Variants in ACACA observed in about 807,000 individuals in gnomAD.
The protein encoded by ACACA is acetyl-CoA carboxylase 1.
Under a neutral mutation model 296.1 loss-of-function variants are expected in ACACA, and 103 were observed. That is an observed-to-expected ratio of 0.35 (90% CI 0.30 to 0.41). ACACA has a LOEUF of 0.41. ACACA is among the 10% of genes least tolerant of loss of function. ACACA has a pLI of 1.00. For synonymous variants in ACACA, 953 were observed against 1,038.6 expected (o/e 0.92, Z 1.58); for missense variants, 1,554 against 2,989.7 (o/e 0.52, Z 11.20).
intron 10 of ACACA, 63 bp from the exon 11 acceptor site, chr17:37,263,957 G>T: frequency 7.3e-7 from 1 of 1,362,324 alleles, no homozygotes; most frequent in Non-Finnish European, 1.0e-6. Flanking sequence ...TATCTATCTT[G>T]ATAAGCTACT....
At chr17:37,301,720 G>T (rs1355855710) in intron 3 of ACACA, among the ~76,000 whole-genome samples, 1 of 152,182 alleles carries the variant, frequency 6.6e-6, no homozygotes, top group Admixed American at 6.5e-5. Flanking sequence ...TTTATAGTAG[G>T]TTTTGAAATC....
intron 45 of ACACA, among the ~76,000 whole-genome samples, chr17:37,135,723 G>A (rs950983073): frequency 2.6e-5 from 4 of 152,082 alleles, no homozygotes; most frequent in Non-Finnish European, 5.9e-5. Context: ...AGTGGGTAAG[G>A]AACAGAGACT....
At chr17:37,344,652 A>T (rs1251598024) in intron 1 of ACACA, among the ~76,000 whole-genome samples, 2 of 152,206 alleles carry the variant, frequency 1.3e-5, no homozygotes, top group African/African-American at 4.8e-5. Flanking sequence ...GTAGACAACA[A>T]GACAATTTTC....
In ACACA at chr17:37,097,771, C is replaced by T. The variant is rs2073081786; in HGVS notation, c.6720+59G>A. ...CCTGCTTATGAGCCTGTGTGCAACA[C>T]ACACACACACTTGCCCACATGTGGG... On this transcript the variant is annotated intron_variant, in intron 53 of 55. Transcript: ENST00000616317. This position sits in a 1 kb window ranked among gnomAD's most constrained non-coding sequence, Gnocchi z 4.8. 6.3e-7 allele frequency: 1 copy of T among 1,596,236 alleles called. No individual in the cohort carries two copies. The highest frequency in any genetic ancestry group is 8.6e-7 in the Non-Finnish European group (1 of 1,165,132).
At chr17:37,260,843 A>C (rs1255141584) in intron 11 of ACACA, among the ~76,000 whole-genome samples, 2 of 152,154 alleles carry the variant, frequency 1.3e-5, no homozygotes, top group Non-Finnish European at 2.9e-5. Flanking sequence ...AGCTCACCTC[A>C]GACTAGGATG....
At chr17:37,275,816 G>A (rs2082263871) in intron 8 of ACACA, 135 bp downstream of exon 8, 1 of 793,580 alleles carries the variant, frequency 1.3e-6, no homozygotes, top group Non-Finnish European at 2.2e-6. Flanking sequence ...TAAGCTAGGA[G>A]CTACAAGGTA....
chr17:37,229,362 G>A (rs1481809370), intron 25 of ACACA, among the ~76,000 whole-genome samples: 3 of 151,870 alleles, frequency 2.0e-5, no homozygotes, highest in African/African-American at 7.2e-5. Flanking sequence ...GGAGTGCAGT[G>A]GCGCAATCTT....
chr17:37,225,212 G>A, intron 26 of ACACA, 107 bp from the exon 27 acceptor site: 1 of 729,762 alleles, frequency 1.4e-6, no homozygotes, highest in Admixed American at 2.0e-5. Context: ...TGTAAGTGCA[G>A]GCATCACAGA....
intron 33 of ACACA, among the ~76,000 whole-genome samples, chr17:37,203,486 G>C (rs1272273328): frequency 6.6e-6 from 1 of 151,666 alleles, no homozygotes; most frequent in East Asian, 2.0e-4. Flanking sequence ...GCTCACGCTT[G>C]TAATCCCAGC....
intron 45 of ACACA, among the ~76,000 whole-genome samples, 188 bp downstream of exon 45, chr17:37,149,676 G>T (rs2075958436): frequency 6.6e-6 from 1 of 152,132 alleles, no homozygotes; most frequent in African/African-American, 2.4e-5. Context: ...TAAATGAAAT[G>T]AATGAATGAA....
chr17:37,193,474 C>T, intron 35 of ACACA, 59 bp from the exon 36 acceptor site: 1 of 1,308,196 alleles, frequency 7.6e-7, no homozygotes, highest in Non-Finnish European at 1.1e-6. Context: ...TCTTTGAGAA[C>T]AAACAGTATA....
intron 1 of ACACA, among the ~76,000 whole-genome samples, chr17:37,354,725 G>A (rs2049054040): frequency 6.6e-6 from 1 of 151,912 alleles, no homozygotes; most frequent in Admixed American, 6.6e-5. Flanking sequence ...AGGGGTTCGA[G>A]ACCAGTCTAG....
intron 45 of ACACA, among the ~76,000 whole-genome samples, chr17:37,135,067 T>G (rs2075274923): frequency 6.6e-6 from 1 of 152,178 alleles, no homozygotes; most frequent in African/African-American, 2.4e-5. Flanking sequence ...GCTCATCTAC[T>G]CAGTGCAGCT....
At chr17:37,277,839 G>A (rs1209424704) in intron 6 of ACACA, 57 bp downstream of exon 6, 30 of 1,330,084 alleles carry the variant, frequency 2.3e-5, no homozygotes, top group Middle Eastern at 1.8e-4. Context: ...ATATCCCCTT[G>A]TGCCTAACTA....
intron 43 of ACACA, 108 bp downstream of exon 43, chr17:37,155,575 C>A: frequency 1.2e-5 from 10 of 800,356 alleles, no homozygotes; most frequent in Non-Finnish European, 2.2e-5. Context: ...TAGATTATGT[C>A]ATCTTCAATG....
intron 2 of ACACA, among the ~76,000 whole-genome samples, chr17:37,339,050 C>A (rs1377527326): frequency 1.3e-5 from 2 of 151,986 alleles, no homozygotes; most frequent in African/African-American, 4.8e-5. Context: ...AGACTGACCA[C>A]ACTGAAGAAC....
chr17:37,199,833 A>AAG (rs1598151550), intron 35 of ACACA, among the ~76,000 whole-genome samples: 1 of 151,688 alleles, frequency 6.6e-6, no homozygotes, highest in Admixed American at 6.6e-5. Flanking sequence ...GTTAAAAAAA[A>AAG]AAAGAAGAAA....
chr17:37,151,378 G>A lies in ACACA; in HGVS notation c.5491C>T (p.Pro1831Ser). Reference protein sequence around the residue: ...DIIGKEEGIGPENLRGSGMIA... With the variant: ...DIIGKEEGIGSENLRGSGMIA... ...ATTCCAGAACCTCGAAGGTTCTCGG[G>A]TCCAATTCCCTCTTCTTTCCCAATA... The change falls in exon 44 of 56, where the codon CCC (proline) becomes TCC (serine). Residue 1831 changes from proline to serine, a missense_variant. Around this residue, in one of 16 missense-constraint regions of ACACA, gnomAD observed 553 missense variants for 1,043.6 expected, o/e 0.53. Transcript: ENST00000616317. The A allele has an allele frequency of 1.2e-6, 2 of 1,613,794 alleles. No homozygotes were observed. Among genetic ancestry groups the A allele is most frequent in the Non-Finnish European group, 1.7e-6 (2 of 1,179,802 alleles).
intron 1 of ACACA, among the ~76,000 whole-genome samples, chr17:37,362,960 C>T (rs1237356842): frequency 2.2e-5 from 3 of 133,564 alleles, no homozygotes; most frequent in South Asian, 2.4e-4. Context: ...GGCGACAGAG[C>T]GAGACTCCGT....
Sources: allele counts gnomAD v4.1 joint callset (sites outside exome capture counted in the v4.1 genomes callset), GRCh38; gene constraint gnomAD v4.1.1; regional missense constraint gnomAD v4.1.1; non-coding constraint Gnocchi (gnomAD v3.1); transcripts MANE v1.5; gene names NCBI Gene and HGNC (gene_info 2026-07-23, HGNC 2026-07-21).